KCNH8: variants seen among roughly 807,000 people sequenced by gnomAD.
KCNH8 encodes voltage-gated delayed rectifier potassium channel KCNH8.
A neutral mutation model predicts 103.6 loss-of-function variants in KCNH8; 70 were observed. The ratio of observed to expected loss-of-function variants is 0.68; its 90% CI spans 0.56 to 0.82. KCNH8 has a LOEUF of 0.82. Among genes scored for constraint, KCNH8 ranks in the 40% least tolerant of loss-of-function variants. The probability of loss-of-function intolerance (pLI) is 0.00; values close to 1 mark genes in which losing one functional copy is unlikely to be tolerated. For missense variants in KCNH8, 1,217 were observed against 1,329.9 expected (o/e 0.92, Z 1.32); for synonymous variants, 498 against 489.4 (o/e 1.02, Z -0.23).
intron 1 of KCNH8, among the ~76,000 whole-genome samples, chr3:19,242,698 A>G (rs2064157611): frequency 6.6e-6 from 1 of 152,134 alleles, no homozygotes; most frequent in South Asian, 2.1e-4. Flanking sequence ...TTTGTGTGAT[A>G]TCTCTCACTG....
intron 1 of KCNH8, among the ~76,000 whole-genome samples, chr3:19,247,807 T>C (rs1041322643): frequency 8.7e-4 from 133 of 152,302 alleles, no homozygotes; most frequent in African/African-American, 3.1e-3. Context: ...CCCATTGCTT[T>C]GAATGGCTCC....
intron 7 of KCNH8, among the ~76,000 whole-genome samples, chr3:19,430,151 T>C (rs1334990769): frequency 6.6e-6 from 1 of 152,222 alleles, no homozygotes; most frequent in Admixed American, 6.5e-5. Context: ...GTATATGGTG[T>C]AAGGAAGCGG....
intron 1 of KCNH8, among the ~76,000 whole-genome samples, chr3:19,174,003 C>G (rs2063373826): frequency 6.7e-6 from 1 of 149,982 alleles, no homozygotes; most frequent in African/African-American, 2.5e-5. Context: ...TTTTTTTTCT[C>G]CCCTATTACC....
At chr3:19,354,952 G>A (rs2065859038) in intron 5 of KCNH8, among the ~76,000 whole-genome samples, 1 of 152,190 alleles carries the variant, frequency 6.6e-6, no homozygotes, top group Non-Finnish European at 1.5e-5. Flanking sequence ...GCAACCTACA[G>A]AATGGGAGAA....
chr3:19,355,701 G>A (rs773286656), intron 5 of KCNH8, among the ~76,000 whole-genome samples: 1 of 152,042 alleles, frequency 6.6e-6, no homozygotes, highest in South Asian at 2.1e-4. Context: ...CTTGGACACA[G>A]GGTGGGGAAC....
intron 5 of KCNH8, among the ~76,000 whole-genome samples, chr3:19,373,253 G>C (rs1488268564): frequency 6.6e-5 from 10 of 151,954 alleles, no homozygotes; most frequent in Non-Finnish European, 1.3e-4. Flanking sequence ...GACTCTTTTT[G>C]GTTGGTAAGC....
intron 8 of KCNH8, among the ~76,000 whole-genome samples, chr3:19,448,544 G>A (rs1470322783): frequency 6.6e-6 from 1 of 152,004 alleles, no homozygotes; most frequent in African/African-American, 2.4e-5. Context: ...GTATGCCAGT[G>A]TTTGGTAATT....
chr3:19,170,586 A>ATC (rs925650970), intron 1 of KCNH8, among the ~76,000 whole-genome samples: 17 of 128,952 alleles, frequency 1.3e-4, no homozygotes, highest in Admixed American at 2.3e-4. Flanking sequence ...TGGGGCATCT[A>ATC]TATATATATA....
At chr3:19,237,020 T>C (rs1016484692) in intron 1 of KCNH8, among the ~76,000 whole-genome samples, 1 of 152,240 alleles carries the variant, frequency 6.6e-6, no homozygotes, top group Non-Finnish European at 1.5e-5. Flanking sequence ...TATGAGATTG[T>C]GGGAGGTAAA....
At chr3:19,288,156 C>T (rs1391005821) in intron 3 of KCNH8, among the ~76,000 whole-genome samples, 1 of 132,316 alleles carries the variant, frequency 7.6e-6, no homozygotes, top group Non-Finnish European at 1.6e-5. Flanking sequence ...CTTTCTAAAC[C>T]TTCTTGCACC....
intron 1 of KCNH8, among the ~76,000 whole-genome samples, chr3:19,187,964 C>T (rs79678138): frequency 0.042 from 6,327 of 152,068 alleles, 474 homozygotes; most frequent in African/African-American, 0.14. Flanking sequence ...CCACTATACA[C>T]GTACCAGCGT....
intron 5 of KCNH8, among the ~76,000 whole-genome samples, chr3:19,373,678 C>T (rs1217062842): frequency 6.6e-6 from 1 of 151,638 alleles, no homozygotes; most frequent in East Asian, 1.9e-4. Context: ...TCTTGCTTTT[C>T]TAGTTCTTTT....
At chr3:19,349,059 C>T (rs570855059) in intron 5 of KCNH8, among the ~76,000 whole-genome samples, 2 of 151,712 alleles carry the variant, frequency 1.3e-5, no homozygotes, top group African/African-American at 4.8e-5. Context: ...CTGGGCACAC[C>T]CTTCAGAGCC....
chr3:19,461,618 T>C (rs1163506351), intron 11 of KCNH8, among the ~76,000 whole-genome samples: 1 of 152,196 alleles, frequency 6.6e-6, no homozygotes, highest in Non-Finnish European at 1.5e-5. Context: ...ATGTAACTTA[T>C]CTATACATCC....
At chr3:19,263,352 A>C (rs1479668330) in intron 2 of KCNH8, among the ~76,000 whole-genome samples, 1 of 152,126 alleles carries the variant, frequency 6.6e-6, no homozygotes, top group African/African-American at 2.4e-5. Flanking sequence ...CTAGCAACTT[A>C]AAATAACAAT....
At chr3:19,267,412 A>G (rs757608266) in intron 2 of KCNH8, among the ~76,000 whole-genome samples, 4 of 152,148 alleles carry the variant, frequency 2.6e-5, no homozygotes, top group Non-Finnish European at 5.9e-5. Context: ...GAAGTAGTTC[A>G]ATGTTGGCCT....
At chr3:19,246,319 C>T (rs1353517039) in intron 1 of KCNH8, among the ~76,000 whole-genome samples, 2 of 141,818 alleles carry the variant, frequency 1.4e-5, no homozygotes, top group African/African-American at 2.7e-5. Context: ...GCTCTGTCGC[C>T]AGGCTGGAGT....
At chr3:19,472,873 C>T (rs2067892432) in intron 11 of KCNH8, among the ~76,000 whole-genome samples, 1 of 152,112 alleles carries the variant, frequency 6.6e-6, no homozygotes, top group South Asian at 2.1e-4. Context: ...TCTTTTTTTA[C>T]TTTCTATTGT....
chr3:19,380,366 C>G (rs2125124054), intron 5 of KCNH8, among the ~76,000 whole-genome samples: 1 of 152,280 alleles, frequency 6.6e-6, no homozygotes, highest in Middle Eastern at 3.4e-3. Context: ...AATCTTACTT[C>G]CTGAGGCACA....
Sources: gnomAD v4.1 joint callset for allele counts (sites outside exome capture counted in the v4.1 genomes callset) on GRCh38, gnomAD v4.1.1 for gene constraint, MANE v1.5 for transcripts, NCBI Gene and HGNC (gene_info 2026-07-23, HGNC 2026-07-21) for gene names.